Variants in TSC2 observed in about 807,000 individuals in gnomAD.
TSC2 encodes the protein tuberin.
Under a neutral mutation model 202.2 loss-of-function variants are expected in TSC2, and 29 were observed. The ratio of observed to expected loss-of-function variants is 0.14; its 90% CI spans 0.11 to 0.20. The LOEUF (loss-of-function observed/expected upper bound fraction) is 0.20, where lower values mean the gene tolerates loss of function less well. Among genes scored for constraint, TSC2 ranks in the 10% least tolerant of loss-of-function variants. The pLI is 1.00. For synonymous variants in TSC2, 1,349 were observed against 1,044.0 expected, an observed-to-expected ratio of 1.29 and a Z score of -5.63; for missense variants, 2,429 against 2,420.0, an observed-to-expected ratio of 1.00 and a Z score of -0.08.
At position 2,087,775 on chromosome 16, in the gene TSC2, GGT is replaced by G. The variant is rs1284290732; in HGVS notation, c.4990-85_4990-84del. On this transcript the variant is annotated intron_variant, in intron 38 of 41. Transcript: ENST00000219476. ...GCAGATGCTGCCCATGGAGCTGACAGGTGTCTAGCAGTGCAACCAGGCAGTAG... is the reference window on the plus strand; with the variant it reads ...GCAGATGCTGCCCATGGAGCTGACAGGTCTAGCAGTGCAACCAGGCAGTAG... 7 of 1,465,702 alleles carry G rather than the reference GGT, an allele frequency of 4.8e-6. No individual in the cohort carries two copies. The African/African-American group carries it at 9.8e-5, about 21-fold the overall frequency. 90.8% of individuals were successfully genotyped at this position (1,465,702 alleles called of 1,614,324 possible). A position where few individuals can be genotyped will look rare whatever the true frequency, so the allele number is the denominator to read the frequency against.
chr16:2,049,591 G>T (rs368220331), intron 2 of TSC2, among the ~76,000 whole-genome samples: 1 of 151,844 alleles, frequency 6.6e-6, no homozygotes, highest in African/African-American at 2.4e-5. Context: ...TTGGGAGGCC[G>T]AGGCGGGTGG....
chr16:2,072,870 G>A lies in TSC2; in HGVS notation c.2242G>A (p.Glu748Lys), dbSNP rs1442440961. 5.6e-6 allele frequency: 9 copies of A among 1,613,602 alleles called. No individual in the cohort carries two copies. Among genetic ancestry groups the A allele is most frequent in the Non-Finnish European group, 7.6e-6 (9 of 1,180,044 alleles). The stretch of plus-strand genomic sequence containing the variant: ...TCAGCTTTCAGGCCCAAAGACACTG[G>A]AGCGGCTCCGAGGCGCCCCAGAAGG... ...CSMLSGPKTL[E>K]RLRGAPEGFS... Residue 748 changes from glutamate to lysine, a missense_variant, in exon 21 of 42, where the codon GAG becomes AAG. Physicochemically the swap from Glu to Lys is moderately conservative, Grantham distance 56. Transcript: ENST00000219476.
At position 2,083,775 on chromosome 16, in the gene TSC2, G is replaced by A. The variant is rs759790981; in HGVS notation, c.3964G>A (p.Ala1322Thr). 3 of 1,611,098 alleles carry A rather than the reference G, an allele frequency of 1.9e-6. No homozygotes were observed. Among genetic ancestry groups the A allele is most frequent in the Non-Finnish European group, 1.7e-6 (2 of 1,179,486 alleles). Residue 1322 changes from alanine (A) to threonine (T), a missense_variant, in exon 33 of 42, where the codon GCA becomes ACA. By Grantham distance (58) the Ala-to-Thr change is moderately conservative. Transcript: ENST00000219476. ...GCCCCCAGGGTTGGAGGACGTTGAG[G>A]CAGCGCTAGGCATGGACAGGCGCAC... is the stretch of plus-strand genomic sequence containing the variant. The part of the protein sequence containing the change: ...VEPPGLEDVE[A>T]ALGMDRRTDA...
intron 32 of TSC2, 163 bp from the exon 33 acceptor site, chr16:2,083,532 G>T (rs776280533): frequency 3.2e-6 from 4 of 1,265,004 alleles, no homozygotes; most frequent in Non-Finnish European, 4.4e-6. Flanking sequence ...CCTTCCCAGC[G>T]TCCTCCCTGC....
At chr16:2,077,848 C>A (rs1358377451) in intron 26 of TSC2, 122 bp downstream of exon 26, 2 of 1,529,048 alleles carry the variant, frequency 1.3e-6, no homozygotes, top group South Asian at 1.1e-5. Context: ...CTGGCCAGCC[C>A]AGGGGGAGCC....
Position 2,077,613 on chromosome 16 carries a change from A to G in TSC2, c.2853A>G (p.Arg951=), listed in dbSNP as rs45517273. Reference sequence around the variant, plus strand: ...CACCCGATAGTCTGAGGATAGCCAGACCCCCCAAACAAGGCTTGAATAACT... The same window carrying G: ...CACCCGATAGTCTGAGGATAGCCAGGCCCCCCAAACAAGGCTTGAATAACT... ...NERPKSLRIA[R]PPKQGLNNSP... is the part of the protein sequence containing the mutation. The change falls in exon 26 of 42, where the codon AGA becomes AGG. Residue 951 remains arginine (R), a synonymous_variant. Transcript: ENST00000219476. 6.2e-7 allele frequency: 1 copy of G among 1,612,790 alleles called. No homozygotes were observed. Among genetic ancestry groups the G allele is most frequent in the South Asian group, 1.1e-5 (1 of 91,058 alleles).
At position 2,054,724 on chromosome 16, in the gene TSC2, T is replaced by C. The variant is rs1237891772; in HGVS notation, c.481+284T>C. 3 of 513,034 alleles carry C rather than the reference T, an allele frequency of 5.8e-6. No individual in the cohort carries two copies. In the Admixed American group the frequency reaches 9.7e-5, roughly 17 times the overall value. 31.8% of individuals were successfully genotyped at this position (513,034 alleles called of 1,614,324 possible). On this transcript the variant is annotated intron_variant, in intron 5 of 41. Coordinates refer to ENST00000219476, the MANE Select transcript of TSC2 (RefSeq NM_000548.5). ...GCAACGGCAGGAGCTGGGCGAGTTC[T>C]GTCACTGGGAGGTGGTGCTGCTGAC...
chr16:2,052,013 T>A (rs1018417897), intron 3 of TSC2, among the ~76,000 whole-genome samples: 5 of 152,106 alleles, frequency 3.3e-5, no homozygotes, highest in Non-Finnish European at 5.9e-5. Flanking sequence ...TGTGGTGAGC[T>A]GAGATTGTGC....
chr16:2,084,257 G>T lies in TSC2; in HGVS notation c.4035G>T (p.Lys1345Asn), dbSNP rs1335576471. 3.1e-6 allele frequency: 5 copies of T among 1,604,868 alleles called. No homozygotes were observed. The South Asian group carries it at 5.6e-5, about 18-fold the overall frequency. The change falls in exon 34 of 42, where the codon AAG (lysine) becomes AAT (asparagine). Residue 1345 changes from lysine to asparagine, a missense_variant. By Grantham distance (94) the Lys-to-Asn change is moderately conservative. Coordinates refer to ENST00000219476, the MANE Select transcript of TSC2 (RefSeq NM_000548.5). ...CCTCAGTCTCCAGCCAGGAGGAGAAGTCGCTCCACGCGGAGGAGCTGGTTG... is the reference window on the plus strand; with the variant it reads ...CCTCAGTCTCCAGCCAGGAGGAGAATTCGCTCCACGCGGAGGAGCTGGTTG... ...RSSSVSSQEEKSLHAEELVGR... is the reference protein window; with the variant it reads ...RSSSVSSQEENSLHAEELVGR...
At chr16:2,081,067 G>C in intron 30 of TSC2, 1 of 202,496 alleles carries the variant, frequency 4.9e-6, no homozygotes, top group South Asian at 8.9e-5. Context: ...TCATGGCTTA[G>C]GGTCCGCTCT....
chr16:2,059,338 CTT>C lies in TSC2; in HGVS notation c.975+485_975+486del, dbSNP rs1180610775. Among the ~76,000 whole-genome samples the C allele has an allele frequency of 1.0e-3, 127 of 124,698 alleles. 1 individual carries two copies. Among genetic ancestry groups the C allele is most frequent in the African/African-American group, 3.3e-3 (106 of 32,242 alleles). The allele number at this position is 124,698 out of a possible 152,430, so 81.8% of individuals were successfully genotyped here. On this transcript the variant is annotated intron_variant, in intron 10 of 41. Transcript: ENST00000219476. Reference sequence around the variant, plus strand: ...TGGCCAAAGGCTTTTTTCTCTCTCTCTTTTTTTTTTTTTTTTTTTTTGAGACA... The same window carrying C: ...TGGCCAAAGGCTTTTTTCTCTCTCTCTTTTTTTTTTTTTTTTTTTGAGACA...
chr16:2,060,877 A>T (rs1398445899), intron 11 of TSC2, 64 bp downstream of exon 11: 1 of 1,592,246 alleles, frequency 6.3e-7, no homozygotes. Context: ...CGGCCCACTC[A>T]GAAGATGGTA....
chr16:2,050,566 T>A, intron 3 of TSC2, 80 bp downstream of exon 3: 1 of 1,190,950 alleles, frequency 8.4e-7, no homozygotes, highest in Non-Finnish European at 1.2e-6. Context: ...AGGAACATGG[T>A]TGACAGCTGA....
intron 10 of TSC2, 114 bp downstream of exon 10, chr16:2,058,987 C>T (rs1402537487): frequency 2.6e-6 from 4 of 1,511,324 alleles, no homozygotes; most frequent in Non-Finnish European, 2.7e-6. Flanking sequence ...ATTTCTAGGC[C>T]TTTCCAGGCA....
intron 31 of TSC2, chr16:2,082,166 G>A: frequency 1.7e-6 from 1 of 595,936 alleles, no homozygotes; most frequent in Non-Finnish European, 3.0e-6. Flanking sequence ...ACCCCACTCG[G>A]CACCGTGCTT....
intron 19 of TSC2, 142 bp from the exon 20 acceptor site, chr16:2,072,099 C>T (rs966615853): frequency 2.4e-5 from 37 of 1,527,180 alleles, no homozygotes; most frequent in Middle Eastern, 2.3e-4. Flanking sequence ...CAGAGGCCTG[C>T]GCTGGGCAGG....
intron 8 of TSC2, 140 bp from the exon 9 acceptor site, chr16:2,056,965 C>T (rs934744424): frequency 7.3e-7 from 1 of 1,372,402 alleles, no homozygotes; most frequent in East Asian, 2.5e-5. Flanking sequence ...CCTGCTGCCT[C>T]TGTCTTTGGG....
At chr16:2,067,951 G>A (rs1003088213) in intron 16 of TSC2, among the ~76,000 whole-genome samples, 2 of 152,172 alleles carry the variant, frequency 1.3e-5, no homozygotes, top group Non-Finnish European at 2.9e-5. Flanking sequence ...GCCCTTACTT[G>A]GAACTCCAGC....
intron 20 of TSC2, chr16:2,072,575 C>G: frequency 2.4e-6 from 2 of 837,358 alleles, no homozygotes; most frequent in Non-Finnish European, 3.6e-6. Flanking sequence ...TCAGAGGTCC[C>G]CAGCCAAGGG....
Sources: allele counts gnomAD v4.1 joint callset (sites outside exome capture counted in the v4.1 genomes callset), GRCh38; gene constraint gnomAD v4.1.1; transcripts MANE v1.5; gene names NCBI Gene and HGNC (gene_info 2026-07-23, HGNC 2026-07-21).